Variants in MARCHF3 observed in about 807,000 individuals in gnomAD.
The protein encoded by MARCHF3 is E3 ubiquitin-protein ligase MARCHF3.
In MARCHF3, 13 loss-of-function variants were observed where a neutral mutation model predicts 24.2. The observed-to-expected ratio is 0.54, with a 90% CI of 0.35 to 0.85. The LOEUF (loss-of-function observed/expected upper bound fraction) is 0.85, where lower values mean the gene tolerates loss of function less well. Ranked by LOEUF, MARCHF3 falls within the 40% of genes least tolerant of loss-of-function variation. The pLI, the probability that MARCHF3 is intolerant of heterozygous loss-of-function variation, is 0.01. For missense variants in MARCHF3, 276 were observed against 325.0 expected, an observed-to-expected ratio of 0.85 and a Z score of 1.16; for synonymous variants, 144 against 137.3, an observed-to-expected ratio of 1.05 and a Z score of -0.34.
intron 1 of MARCHF3, among the ~76,000 whole-genome samples, chr5:127,026,671 T>C (rs1008864707): frequency 6.6e-6 from 1 of 152,234 alleles, no homozygotes; most frequent in African/African-American, 2.4e-5. Flanking sequence ...GGCCAACTTC[T>C]CAGTTATTGG....
At chr5:126,940,401 G>A (rs1462165996) in intron 1 of MARCHF3, among the ~76,000 whole-genome samples, 1 of 152,102 alleles carries the variant, frequency 6.6e-6, no homozygotes, top group African/African-American at 2.4e-5. Flanking sequence ...TTTTATGCTA[G>A]ATGGCCATTA....
Position 126,910,785 on chromosome 5 carries a change from A to G in MARCHF3, c.393+4145T>C, listed in dbSNP as rs186917211. On this transcript the variant is annotated intron_variant, in intron 3 of 4. Transcript: ENST00000308660. ...CACCTTGAAAAAAGAACAGGATAAC[A>G]GCAATGTTCAGGAAACAAGAGAGAT... is the stretch of plus-strand genomic sequence containing the variant. Among the ~76,000 whole-genome samples, 270 of 152,338 alleles carry G rather than the reference A, an allele frequency of 1.8e-3. 1 individual carries two copies. The highest frequency in any genetic ancestry group is 0.016 in the South Asian group (75 of 4,828).
intron 1 of MARCHF3, among the ~76,000 whole-genome samples, chr5:126,941,454 GA>G (rs11288501): frequency 0.96 from 141,875 of 148,546 alleles, 67,981 homozygotes; most frequent in South Asian, 1. Flanking sequence ...GTGATAAATA[GA>G]AAAAAAAAAA....
At chr5:127,026,573 A>C (rs1416320368) in intron 1 of MARCHF3, among the ~76,000 whole-genome samples, 1 of 152,246 alleles carries the variant, frequency 6.6e-6, no homozygotes, top group Non-Finnish European at 1.5e-5. Context: ...TTTGAAGAAA[A>C]AGGTTAAAAA....
intron 3 of MARCHF3, among the ~76,000 whole-genome samples, chr5:126,904,216 T>A (rs1424541079): frequency 6.7e-6 from 1 of 148,622 alleles, no homozygotes; most frequent in East Asian, 2.0e-4. Flanking sequence ...TCTATCATTG[T>A]TGGACATTTG....
chr5:126,933,507 C>T (rs58369492), intron 1 of MARCHF3, among the ~76,000 whole-genome samples: 2,340 of 149,032 alleles, frequency 0.016, 56 homozygotes, highest in African/African-American at 0.052. Flanking sequence ...TGCAGTGGTG[C>T]GATCTCGGCT....
chr5:126,931,325 T>C (rs182893325), intron 1 of MARCHF3, among the ~76,000 whole-genome samples: 15 of 152,328 alleles, frequency 9.8e-5, no homozygotes, highest in Admixed American at 2.6e-4. Context: ...CATGACTCTG[T>C]AAGTGGAGGA....
At chr5:126,931,701 T>G (rs1313444698) in intron 1 of MARCHF3, among the ~76,000 whole-genome samples, 1 of 151,918 alleles carries the variant, frequency 6.6e-6, no homozygotes. Context: ...ACTACTAAAG[T>G]ATAATCTCTA....
chr5:126,869,406 G>C lies in MARCHF3; in HGVS notation c.*1227C>G, dbSNP rs1380580965. ...CCTCGGTGCGCGCACAATGCAGGCT[G>C]CGGATCAGACCCTTTACACTGCGAC... is the stretch of plus-strand genomic sequence containing the variant. On this transcript the variant is annotated 3_prime_UTR_variant, in exon 5 of 5. Transcript: ENST00000308660. 2.0e-5 allele frequency: 3 copies of C among 152,160 alleles called. No homozygotes were observed. Among genetic ancestry groups the C allele is most frequent in the Non-Finnish European group, 4.4e-5 (3 of 68,048 alleles). 9.4% of individuals were successfully genotyped at this position (152,160 alleles called of 1,614,324 possible). A position where few individuals can be genotyped will look rare whatever the true frequency, so the allele number is the denominator to read the frequency against.
intron 1 of MARCHF3, among the ~76,000 whole-genome samples, chr5:126,951,799 T>C (rs1750245501): frequency 6.6e-6 from 1 of 152,198 alleles, no homozygotes; most frequent in South Asian, 2.1e-4. Context: ...ATGTTTCCAT[T>C]TGAGTTCTTT....
At chr5:126,917,374 C>T (rs1211012262) in intron 2 of MARCHF3, among the ~76,000 whole-genome samples, 2 of 152,124 alleles carry the variant, frequency 1.3e-5, no homozygotes, top group Admixed American at 6.5e-5. Flanking sequence ...TTTAGTTCAC[C>T]ACTTGGGAAG....
At chr5:127,000,512 C>T (rs1327542789) in intron 1 of MARCHF3, among the ~76,000 whole-genome samples, 1 of 152,024 alleles carries the variant, frequency 6.6e-6, no homozygotes, top group Admixed American at 6.6e-5. Context: ...CAAGTGGGAC[C>T]AGGGAGAACC....
chr5:127,016,050 G>A (rs1752628968), intron 1 of MARCHF3, among the ~76,000 whole-genome samples: 1 of 151,978 alleles, frequency 6.6e-6, no homozygotes, highest in South Asian at 2.1e-4. Flanking sequence ...TAGTGATGCT[G>A]GCATATTGTT....
intron 1 of MARCHF3, among the ~76,000 whole-genome samples, chr5:126,966,713 C>T (rs1191321605): frequency 4.6e-5 from 7 of 151,752 alleles, no homozygotes; most frequent in African/African-American, 7.3e-5. Context: ...ATATTTAATC[C>T]TCTCTGAATG....
intron 1 of MARCHF3, among the ~76,000 whole-genome samples, chr5:126,925,267 C>T (rs376762875): frequency 4.6e-5 from 7 of 152,170 alleles, no homozygotes; most frequent in East Asian, 1.9e-4. Flanking sequence ...AAGTTGGATC[C>T]GGGGAGAGTT....
chr5:126,953,149 G>GT (rs1485466180), intron 1 of MARCHF3, among the ~76,000 whole-genome samples: 2 of 152,016 alleles, frequency 1.3e-5, no homozygotes, highest in Non-Finnish European at 2.9e-5. Context: ...GAAGGTTTTT[G>GT]TTTTTTCCAG....
At chr5:126,890,192 A>G (rs1316130377) in intron 3 of MARCHF3, among the ~76,000 whole-genome samples, 1 of 151,714 alleles carries the variant, frequency 6.6e-6, no homozygotes, top group Non-Finnish European at 1.5e-5. Context: ...ACTTCCTTTG[A>G]TTATGTTTAA....
chr5:126,927,663 A>G (rs1327918329), intron 1 of MARCHF3, among the ~76,000 whole-genome samples: 1 of 152,076 alleles, frequency 6.6e-6, no homozygotes, highest in Non-Finnish European at 1.5e-5. Flanking sequence ...TGTCTCCACA[A>G]TCCTCCTGGG....
intron 1 of MARCHF3, among the ~76,000 whole-genome samples, chr5:127,013,203 A>G (rs1752525548): frequency 6.6e-6 from 1 of 152,182 alleles, no homozygotes; most frequent in African/African-American, 2.4e-5. Context: ...ATATTCCAGC[A>G]ATGTGTGTGT....
Sources: gnomAD v4.1 joint callset for allele counts (sites outside exome capture counted in the v4.1 genomes callset) on GRCh38, gnomAD v4.1.1 for gene constraint, MANE v1.5 for transcripts, NCBI Gene and HGNC (gene_info 2026-07-23, HGNC 2026-07-21) for gene names.